The following ABCA6 variants were observed in gnomAD, a reference collection of about 807,000 sequenced individuals.
The protein encoded by ABCA6 is ATP-binding cassette sub-family A member 6.
ABCA6 carries 164 observed loss-of-function variants against 191.2 expected under a neutral mutation model. The observed-to-expected ratio is 0.86, with a 90% CI of 0.76 to 0.98. The LOEUF is 0.98. Among genes scored for constraint, ABCA6 ranks in the 50% least tolerant of loss-of-function variants. The pLI, the probability that ABCA6 is intolerant of heterozygous loss-of-function variation, is 0.00. For missense variants in ABCA6, 1,958 were observed against 1,894.1 expected (o/e 1.03, Z -0.63); for synonymous variants, 636 against 647.7 (o/e 0.98, Z 0.27).
intron 23 of ABCA6, among the ~76,000 whole-genome samples, chr17:69,097,524 G>A (rs1185715982): frequency 6.6e-6 from 1 of 152,070 alleles, no homozygotes; most frequent in Non-Finnish European, 1.5e-5. Context: ...CTGAATAATG[G>A]GCATAATCGA....
chr17:69,105,393 C>A (rs1271031058), intron 20 of ABCA6, 69 bp downstream of exon 20: 28 of 1,417,576 alleles, frequency 2.0e-5, no homozygotes, highest in Non-Finnish European at 2.7e-5. Flanking sequence ...ACTTCCCCCC[C>A]CCACCTCCTG....
At chr17:69,095,679 A>T (rs530202066) in intron 25 of ABCA6, among the ~76,000 whole-genome samples, 1 of 152,192 alleles carries the variant, frequency 6.6e-6, no homozygotes, top group Non-Finnish European at 1.5e-5. Context: ...GCTGTTTTCC[A>T]GACAGACATT....
intron 30 of ABCA6, 55 bp from the exon 31 acceptor site, chr17:69,085,771 A>T: frequency 8.0e-7 from 1 of 1,242,636 alleles, no homozygotes; most frequent in Non-Finnish European, 1.2e-6. Flanking sequence ...AACAACATAA[A>T]CCTTTTGCTC....
chr17:69,095,600 C>A (rs1367390617), intron 25 of ABCA6: 2 of 152,160 alleles, frequency 1.3e-5, no homozygotes, highest in Non-Finnish European at 2.9e-5. Flanking sequence ...TTAAATATAT[C>A]ATTTCTTATA....
intron 23 of ABCA6, among the ~76,000 whole-genome samples, chr17:69,097,390 CAA>C (rs11365217): frequency 0.028 from 2,150 of 78,006 alleles, 42 homozygotes; most frequent in African/African-American, 0.067. Context: ...GACTCCATCT[CAA>C]AAAAAAAAAA....
rs61523425 is a variant in ABCA6, at chr17:69,082,328, AACACACACACACACAC to A, written c.4616+529_4616+544del. Among the ~76,000 whole-genome samples, 1,361 of 144,902 alleles carry A rather than the reference AACACACACACACACAC, an allele frequency of 9.4e-3. 14 individuals are homozygous for A. The highest frequency in any genetic ancestry group is 0.033 in the African/African-American group (1,301 of 39,472). On this transcript the variant is annotated intron_variant, in intron 36 of 38. Coordinates refer to ENST00000284425, the MANE Select transcript of ABCA6 (RefSeq NM_080284.3). ...CCCAAATAACATACAGACATACACA[AACACACACACACACAC>A]ACACACACACACACACACAGATATG...
chr17:69,126,293 A>G (rs556778612), intron 8 of ABCA6, among the ~76,000 whole-genome samples: 26 of 152,308 alleles, frequency 1.7e-4, no homozygotes, highest in African/African-American at 6.3e-4. Context: ...TTATAACAGC[A>G]TGAAAAATAT....
chr17:69,111,973 C>T, intron 16 of ABCA6: 1 of 477,842 alleles, frequency 2.1e-6, no homozygotes. Flanking sequence ...TGTGAAAAGT[C>T]AGGCTTGGTT....
At chr17:69,122,139 C>T (rs984339509) in intron 10 of ABCA6, among the ~76,000 whole-genome samples, 5 of 151,998 alleles carry the variant, frequency 3.3e-5, no homozygotes, top group African/African-American at 1.2e-4. Flanking sequence ...TCCCCACTTG[C>T]GAGTTGTGTG....
chr17:69,100,745 AG>A, intron 22 of ABCA6, 51 bp downstream of exon 22: 1 of 1,493,712 alleles, frequency 6.7e-7, no homozygotes, highest in Non-Finnish European at 9.0e-7. Flanking sequence ...GAGAAAACAT[AG>A]GCTATTTGTC....
At chr17:69,085,598 T>C in intron 31 of ABCA6, 27 bp downstream of exon 31, 1 of 1,499,722 alleles carries the variant, frequency 6.7e-7, no homozygotes, top group Non-Finnish European at 9.2e-7. Flanking sequence ...ATTCCTGTTT[T>C]GGAAATGGAA....
chr17:69,096,405 G>C lies in ABCA6; in HGVS notation c.3295-52C>G, dbSNP rs143310240. 2.0e-3 allele frequency: 2,111 copies of C among 1,056,196 alleles called. 27 individuals are homozygous for C. In the African/African-American group the frequency reaches 0.031, roughly 15 times the overall value. The allele number at this position is 1,056,196 out of a possible 1,614,324, so 65.4% of individuals were successfully genotyped here. On this transcript the variant is annotated intron_variant, in intron 24 of 38. Transcript: ENST00000284425. ...GTCAAAAAATCAAATATTACTGAGG[G>C]AAAAATTAGATTACAACTTTTAAAA...
intron 24 of ABCA6, 31 bp downstream of exon 24, chr17:69,096,597 T>C: frequency 1.4e-6 from 2 of 1,381,934 alleles, no homozygotes; most frequent in Non-Finnish European, 1.9e-6. Flanking sequence ...AATTACTTTA[T>C]GAAATTTGGT....
rs1568036252 is a variant in ABCA6 at position 69,133,800 on chromosome 17, G to C, written c.632C>G (p.Pro211Arg). The stretch of plus-strand genomic sequence containing the variant: ...GTGAAGAAGATTTTTAGTTATGAAA[G>C]GTAATGTCTTCATAGTTATAGCAGT... ...SVTAITMKTLPFITKNLLHNE... is the reference protein window; with the variant it reads ...SVTAITMKTLRFITKNLLHNE... Residue 211 changes from proline to arginine, a missense_variant, in exon 6 of 39, where the codon CCT becomes CGT. Transcript: ENST00000284425. 6.2e-7 allele frequency: 1 copy of C among 1,612,780 alleles called. No individual in the cohort carries two copies. The highest frequency in any genetic ancestry group is 8.5e-7 in the Non-Finnish European group (1 of 1,179,246).
At chr17:69,134,942 G>A (rs1197957282) in intron 4 of ABCA6, among the ~76,000 whole-genome samples, 200 bp from the exon 5 acceptor site, 2 of 140,966 alleles carry the variant, frequency 1.4e-5, no homozygotes, top group East Asian at 2.3e-4. Flanking sequence ...GAGTGCAGTG[G>A]TGCGATCTCA....
intron 10 of ABCA6, among the ~76,000 whole-genome samples, chr17:69,118,257 C>T (rs2073573072): frequency 6.6e-6 from 1 of 152,074 alleles, no homozygotes; most frequent in Non-Finnish European, 1.5e-5. Context: ...GGTTCTTCCC[C>T]CTGTTCAAGA....
intron 9 of ABCA6, among the ~76,000 whole-genome samples, chr17:69,123,919 T>G (rs939374830): frequency 2.0e-5 from 3 of 152,076 alleles, no homozygotes; most frequent in Non-Finnish European, 2.9e-5. Context: ...TATTAAATTT[T>G]TTTAAAATGT....
At position 69,084,543 on chromosome 17, in the gene ABCA6, C is replaced by T. The variant is rs1178622815; in HGVS notation, c.4185-36G>A. On this transcript the variant is annotated intron_variant, in intron 32 of 38. Coordinates refer to ENST00000284425, the MANE Select transcript of ABCA6 (RefSeq NM_080284.3). ...ACAGAATGAGAATATCTGGTCAAGA[C>T]AAGGTTTTTGGAAAATCCAAGCACA... 3 of 1,607,284 alleles carry T rather than the reference C, an allele frequency of 1.9e-6. No individual in the cohort carries two copies. The South Asian group carries it at 3.3e-5, about 18-fold the overall frequency.
chr17:69,112,373 A>G (rs2073441506), intron 15 of ABCA6, 100 bp from the exon 16 acceptor site: 2 of 825,056 alleles, frequency 2.4e-6, no homozygotes, highest in African/African-American at 3.4e-5. Flanking sequence ...GCAAAGGAGA[A>G]GTATTCAACA....
Sources: allele counts gnomAD v4.1 joint callset (sites outside exome capture counted in the v4.1 genomes callset), GRCh38; gene constraint gnomAD v4.1.1; transcripts MANE v1.5; gene names NCBI Gene and HGNC (gene_info 2026-07-23, HGNC 2026-07-21).